GRIK1: variants seen among roughly 807,000 people sequenced by gnomAD.
GRIK1 encodes the protein glutamate receptor ionotropic, kainate 1.
In GRIK1, 69 loss-of-function variants were observed where a neutral mutation model predicts 105.7. The ratio of observed to expected loss-of-function variants is 0.65; its 90% confidence interval spans 0.54 to 0.80. The LOEUF is 0.80. GRIK1 is among the 30% of genes least tolerant of loss of function. GRIK1 has a pLI of 0.00. For missense variants in GRIK1, 1,109 were observed against 1,167.3 expected (o/e 0.95, Z 0.73); for synonymous variants, 438 against 431.3 (o/e 1.02, Z -0.19).
At chr21:29,682,933 C>CA (rs147274210) in intron 3 of GRIK1, among the ~76,000 whole-genome samples, 20,079 of 150,756 alleles carry the variant, frequency 0.13, 2,237 homozygotes, top group African/African-American at 0.3. Flanking sequence ...CATCAACAAA[C>CA]AAAAAAAAAC....
chr21:29,846,493 G>GAAAGAA (rs1569154777), intron 1 of GRIK1, among the ~76,000 whole-genome samples: 1 of 151,190 alleles, frequency 6.6e-6, no homozygotes, highest in Non-Finnish European at 1.5e-5. Flanking sequence ...AAGAAAGAAA[G>GAAAGAA]AAAGAAAGAA....
intron 9 of GRIK1, among the ~76,000 whole-genome samples, chr21:29,595,293 A>C (rs1342189584): frequency 6.6e-6 from 1 of 151,276 alleles, no homozygotes; most frequent in East Asian, 1.9e-4. Context: ...CATTTGTATT[A>C]GATTAATTCA....
intron 3 of GRIK1, among the ~76,000 whole-genome samples, chr21:29,682,367 A>C (rs1284658654): frequency 6.6e-6 from 1 of 152,200 alleles, no homozygotes; most frequent in Non-Finnish European, 1.5e-5. Context: ...ATTTATAATG[A>C]AGTAAGGGCT....
chr21:29,736,282 C>T (rs1202026889), intron 1 of GRIK1, among the ~76,000 whole-genome samples: 1 of 151,612 alleles, frequency 6.6e-6, no homozygotes, highest in East Asian at 2.0e-4. Flanking sequence ...TGCAGTGGTA[C>T]AATCACAGCT....
At chr21:29,759,949 TA>T (rs2145687507) in intron 1 of GRIK1, 1 of 152,340 alleles carries the variant, frequency 6.6e-6, no homozygotes, top group East Asian at 1.9e-4. Context: ...AACCTTTCTG[TA>T]ATGATAGTAA....
At chr21:29,618,319 A>C (rs1339654117) in intron 7 of GRIK1, among the ~76,000 whole-genome samples, 1 of 152,006 alleles carries the variant, frequency 6.6e-6, no homozygotes, top group Non-Finnish European at 1.5e-5. Context: ...ATACCACCTT[A>C]CTCCCGCAAG....
At chr21:29,656,519 G>A (rs775234374) in intron 4 of GRIK1, among the ~76,000 whole-genome samples, 23 of 152,198 alleles carry the variant, frequency 1.5e-4, no homozygotes, top group Non-Finnish European at 2.5e-4. Flanking sequence ...CACCATCACA[G>A]GGACATCCTG....
chr21:29,717,434 G>A (rs760899237), intron 1 of GRIK1, among the ~76,000 whole-genome samples: 9 of 152,220 alleles, frequency 5.9e-5, no homozygotes, highest in East Asian at 1.9e-4. Context: ...ACCATGCAAA[G>A]CCAGAGGGGC....
intron 7 of GRIK1, among the ~76,000 whole-genome samples, chr21:29,603,572 G>T (rs2061558902): frequency 6.6e-6 from 1 of 152,066 alleles, no homozygotes; most frequent in Admixed American, 6.5e-5. Flanking sequence ...GTCTATTTAG[G>T]TACACCTCTT....
Position 29,806,706 on chromosome 21 carries a change from C to T in GRIK1, c.119-112643G>A, listed in dbSNP as rs1322518601. Among the ~76,000 whole-genome samples the T allele has an allele frequency of 2.6e-5, 4 of 152,034 alleles. No homozygotes were observed. The East Asian group carries it at 7.7e-4, about 29-fold the overall frequency. ...AATTAATTCATATACTGAGTACTTACCTTGCGCTGGGCACTGAAGATATGT... is the reference window on the plus strand; with the variant it reads ...AATTAATTCATATACTGAGTACTTATCTTGCGCTGGGCACTGAAGATATGT... On this transcript the variant is annotated intron_variant, in intron 1 of 17. Coordinates refer to ENST00000327783, the MANE Select transcript of GRIK1 (RefSeq NM_001330994.2).
intron 1 of GRIK1, among the ~76,000 whole-genome samples, chr21:29,793,988 A>G (rs1471082722): frequency 6.6e-6 from 1 of 152,200 alleles, no homozygotes; most frequent in African/African-American, 2.4e-5. Context: ...TATAATAATG[A>G]CATAAAGCTT....
intron 1 of GRIK1, among the ~76,000 whole-genome samples, chr21:29,695,992 A>G (rs1161160991): frequency 6.6e-6 from 1 of 152,182 alleles, no homozygotes; most frequent in African/African-American, 2.4e-5. Flanking sequence ...TAGAAAGGGA[A>G]CTCCAATGGA....
rs1164286636 is a variant in GRIK1, at chr21:29,610,921, A to G, written c.1099-11984T>C. Among the ~76,000 whole-genome samples, 6 of 152,164 alleles carry G rather than the reference A, an allele frequency of 3.9e-5. No individual in the cohort carries two copies. The South Asian group carries it at 1.2e-3, about 31-fold the overall frequency. ...AACAGCAGCTCTGAATTTGCTACCCATATCCAGAGGCTTCCATGGTCAATG... is the reference window on the plus strand; with the variant it reads ...AACAGCAGCTCTGAATTTGCTACCCGTATCCAGAGGCTTCCATGGTCAATG... On this transcript the variant is annotated intron_variant, in intron 7 of 17. Coordinates refer to ENST00000327783, the MANE Select transcript of GRIK1 (RefSeq NM_001330994.2).
At chr21:29,791,514 G>T (rs572733623) in intron 1 of GRIK1, among the ~76,000 whole-genome samples, 2 of 151,954 alleles carry the variant, frequency 1.3e-5, no homozygotes, top group African/African-American at 2.4e-5. Flanking sequence ...GGAAGTGGGG[G>T]GGGAATTTAA....
At chr21:29,912,768 A>G (rs1269158534) in intron 1 of GRIK1, among the ~76,000 whole-genome samples, 1 of 152,034 alleles carries the variant, frequency 6.6e-6, no homozygotes, top group African/African-American at 2.4e-5. Context: ...ACCATTAGCA[A>G]AAGGAGAGAT....
At chr21:29,724,462 T>G (rs183366840) in intron 1 of GRIK1, among the ~76,000 whole-genome samples, 1 of 152,202 alleles carries the variant, frequency 6.6e-6, no homozygotes, top group Non-Finnish European at 1.5e-5. Context: ...TCTAAAGCAT[T>G]GAGTGAAAAT....
At chr21:29,846,632 C>T (rs993449454) in intron 1 of GRIK1, among the ~76,000 whole-genome samples, 3 of 152,162 alleles carry the variant, frequency 2.0e-5, no homozygotes, top group Non-Finnish European at 4.4e-5. Flanking sequence ...TTACTCAAAA[C>T]TTCATAGCAG....
At chr21:29,859,017 G>A (rs1007279369) in intron 1 of GRIK1, among the ~76,000 whole-genome samples, 11 of 150,664 alleles carry the variant, frequency 7.3e-5, no homozygotes, top group Non-Finnish European at 8.9e-5. Flanking sequence ...ATACACCATC[G>A]AATACTATGC....
intron 7 of GRIK1, among the ~76,000 whole-genome samples, chr21:29,628,299 C>G (rs1050301805): frequency 2.6e-5 from 4 of 152,152 alleles, no homozygotes; most frequent in Non-Finnish European, 5.9e-5. Flanking sequence ...AGGATGTCAG[C>G]TATTTCAGGA....
Sources: gnomAD v4.1 joint callset for allele counts (sites outside exome capture counted in the v4.1 genomes callset) on GRCh38, gnomAD v4.1.1 for gene constraint, MANE v1.5 for transcripts, NCBI Gene and HGNC (gene_info 2026-07-23, HGNC 2026-07-21) for gene names.